Variants in GRID2 observed in about 807,000 individuals in gnomAD.
GRID2 encodes the protein glutamate ionotropic receptor delta type subunit 2, also known as glutamate receptor ionotropic, delta-2.
GRID2 carries 33 observed loss-of-function variants against 114.8 expected under a neutral mutation model. That is an observed-to-expected ratio of 0.29 (90% confidence interval 0.22 to 0.38). GRID2 has a LOEUF of 0.38. Among genes scored for constraint, GRID2 ranks in the 10% least tolerant of loss-of-function variants. The pLI is 1.00. For synonymous variants in GRID2, 505 were observed against 449.9 expected, an observed-to-expected ratio of 1.12 and a Z score of -1.55; for missense variants, 1,184 against 1,257.7, an observed-to-expected ratio of 0.94 and a Z score of 0.89.
intron 2 of GRID2, among the ~76,000 whole-genome samples, chr4:92,677,171 G>A (rs1733416805): frequency 6.6e-6 from 1 of 152,140 alleles, no homozygotes; most frequent in South Asian, 2.1e-4. Context: ...GGGGAAGATG[G>A]AACAGTTCTG....
At chr4:92,434,031 G>A (rs1732606496) in intron 1 of GRID2, among the ~76,000 whole-genome samples, 1 of 152,102 alleles carries the variant, frequency 6.6e-6, no homozygotes, top group South Asian at 2.1e-4. Flanking sequence ...CGTCAAAATT[G>A]TTACACAATT....
chr4:93,723,066 A>G (rs1028283410), intron 14 of GRID2, among the ~76,000 whole-genome samples: 2 of 152,164 alleles, frequency 1.3e-5, no homozygotes, highest in South Asian at 2.1e-4. Context: ...TATGACTTTC[A>G]TCAATTGGAT....
intron 14 of GRID2, among the ~76,000 whole-genome samples, chr4:93,636,442 CAT>C (rs1721419982): frequency 6.6e-6 from 1 of 152,070 alleles, no homozygotes; most frequent in Admixed American, 6.6e-5. Context: ...CATGCGCACA[CAT>C]ACACACGCAC....
At chr4:93,550,574 A>G (rs901988695) in intron 13 of GRID2, among the ~76,000 whole-genome samples, 1 of 152,198 alleles carries the variant, frequency 6.6e-6, no homozygotes, top group African/African-American at 2.4e-5. Context: ...GAAGGCATTC[A>G]TAGATTTGAA....
chr4:93,324,472 A>T (rs1052304027), intron 8 of GRID2, among the ~76,000 whole-genome samples: 2 of 152,182 alleles, frequency 1.3e-5, no homozygotes, highest in Non-Finnish European at 2.9e-5. Flanking sequence ...ATCGATGTTC[A>T]TCAGGGATAT....
chr4:93,001,008 T>C (rs1303699749), intron 2 of GRID2, among the ~76,000 whole-genome samples: 1 of 151,574 alleles, frequency 6.6e-6, no homozygotes, highest in African/African-American at 2.4e-5. Context: ...ATAAAATAAA[T>C]AGCAGTATTT....
At chr4:92,465,136 A>G (rs1014077270) in intron 1 of GRID2, among the ~76,000 whole-genome samples, 3 of 152,094 alleles carry the variant, frequency 2.0e-5, no homozygotes, top group Non-Finnish European at 4.4e-5. Context: ...TAAATTACTC[A>G]GTTTCAGGTA....
chr4:93,487,059 G>A (rs1726484540), intron 11 of GRID2, among the ~76,000 whole-genome samples: 1 of 151,614 alleles, frequency 6.6e-6, no homozygotes, highest in Admixed American at 6.6e-5. Context: ...ACTTTTTTAG[G>A]AACTTGTCCA....
At position 93,140,195 on chromosome 4, in the gene GRID2, G is replaced by C. The variant is rs533236262; in HGVS notation, c.735+29242G>C. Among the ~76,000 whole-genome samples the C allele has an allele frequency of 4.3e-4, 54 of 126,988 alleles. 1 individual carries two copies. Among genetic ancestry groups the C allele is most frequent in the Non-Finnish European group, 3.4e-4 (22 of 64,060 alleles). The allele number at this position is 126,988 out of a possible 152,430, so 83.3% of individuals were successfully genotyped here. A position where few individuals can be genotyped will look rare whatever the true frequency, so the allele number is the denominator to read the frequency against. On this transcript the variant is annotated intron_variant, in intron 4 of 15. Transcript: ENST00000282020. ...TTTTTTTGAGACTGAGTCTCACTCT[G>C]TCACCCAGGCTCGAGTGCAGTGGCA...
rs115988320 is a variant in GRID2 at position 93,024,160 on chromosome 4, T to C, written c.245-60835T>C. On this transcript the variant is annotated intron_variant, in intron 2 of 15. Transcript: ENST00000282020. ...GCATTTATTTTTGTAAATGTCATAA[T>C]TTCAAGTCTTACTAAGATCATTTTT... Among the ~76,000 whole-genome samples the C allele has an allele frequency of 3.4e-3, 510 of 151,918 alleles. 4 individuals are homozygous for C. The highest frequency in any genetic ancestry group is 0.012 in the African/African-American group (497 of 41,532).
chr4:92,937,579 G>A (rs1453363955), intron 2 of GRID2, among the ~76,000 whole-genome samples: 2 of 146,454 alleles, frequency 1.4e-5, no homozygotes, highest in Non-Finnish European at 3.0e-5. Flanking sequence ...TTATATTTAT[G>A]TCAGTATCAA....
At chr4:92,819,801 T>C (rs1417020585) in intron 2 of GRID2, among the ~76,000 whole-genome samples, 9 of 152,168 alleles carry the variant, frequency 5.9e-5, no homozygotes, top group Non-Finnish European at 1.3e-4. Context: ...TGCAGTTAAG[T>C]AATCTTTGGT....
At chr4:92,608,127 G>A (rs957655093) in intron 2 of GRID2, among the ~76,000 whole-genome samples, 3 of 151,706 alleles carry the variant, frequency 2.0e-5, no homozygotes, top group African/African-American at 7.3e-5. Flanking sequence ...GGTAGGGGCT[G>A]GAAGATATTG....
chr4:92,812,053 CAT>C (rs1020508353), intron 2 of GRID2, among the ~76,000 whole-genome samples: 24 of 152,252 alleles, frequency 1.6e-4, no homozygotes, highest in South Asian at 4.1e-4. Flanking sequence ...TTAAAAATAA[CAT>C]GTGCCAAAAA....
intron 8 of GRID2, among the ~76,000 whole-genome samples, chr4:93,344,187 T>A (rs1759950681): frequency 6.6e-6 from 1 of 152,044 alleles, no homozygotes. Context: ...CTTACAAGAC[T>A]GGTCATCAAC....
intron 2 of GRID2, among the ~76,000 whole-genome samples, chr4:92,883,640 A>G (rs1446877943): frequency 6.6e-6 from 1 of 152,214 alleles, no homozygotes; most frequent in East Asian, 1.9e-4. Context: ...ACGTTGTGTT[A>G]GCAGGCATGA....
intron 2 of GRID2, among the ~76,000 whole-genome samples, chr4:92,833,135 C>T (rs552895705): frequency 3.3e-4 from 51 of 152,262 alleles, no homozygotes; most frequent in African/African-American, 1.1e-3. Context: ...CACAGCAATG[C>T]AGGATAACTT....
intron 2 of GRID2, among the ~76,000 whole-genome samples, chr4:93,001,839 C>T (rs1217866067): frequency 6.6e-6 from 1 of 151,588 alleles, no homozygotes; most frequent in Non-Finnish European, 1.5e-5. Flanking sequence ...TTCAATTTTC[C>T]ATGCTAGTGA....
chr4:92,353,913 A>G (rs531306355), intron 1 of GRID2, among the ~76,000 whole-genome samples: 1 of 152,116 alleles, frequency 6.6e-6, no homozygotes, highest in East Asian at 1.9e-4. Flanking sequence ...CAAAGCCTTA[A>G]GCTGTCTATT....
Sources: allele counts gnomAD v4.1 joint callset (sites outside exome capture counted in the v4.1 genomes callset), GRCh38; gene constraint gnomAD v4.1.1; transcripts MANE v1.5; gene names NCBI Gene and HGNC (gene_info 2026-07-23, HGNC 2026-07-21).